The following WASF3 variants were observed in gnomAD, a reference collection of about 807,000 sequenced individuals.
WASF3 encodes the protein actin-binding protein WASF3.
In WASF3, 11 loss-of-function variants were observed where a neutral mutation model predicts 46.6. The ratio of observed to expected loss-of-function variants is 0.24; its 90% CI spans 0.15 to 0.39. WASF3 has a LOEUF of 0.39. Ranked by LOEUF, WASF3 falls within the 10% of genes least tolerant of loss-of-function variation. WASF3 has a pLI of 1.00. For missense variants in WASF3, 576 were observed against 669.8 expected (o/e 0.86, Z 1.55); for synonymous variants, 242 against 259.7 (o/e 0.93, Z 0.65).
chr13:26,672,024 G>C (rs1335344478), intron 6 of WASF3, 35 bp downstream of exon 6: 2 of 1,395,238 alleles, frequency 1.4e-6, no homozygotes, highest in African/African-American at 1.4e-5. Context: ...GTGCATATCA[G>C]TGTTCAAAGG....
chr13:26,577,399 G>T, intron 1 of WASF3: 1 of 773,864 alleles, frequency 1.3e-6, no homozygotes, highest in South Asian at 1.3e-5. Flanking sequence ...TGGAAATCAA[G>T]ACCCGGGAGG....
chr13:26,685,515 G>GT (rs1380631316), intron 9 of WASF3, among the ~76,000 whole-genome samples, 173 bp from the exon 10 acceptor site: 8 of 152,152 alleles, frequency 5.3e-5, no homozygotes, highest in Non-Finnish European at 7.4e-5. Context: ...TTGAATGCAT[G>GT]TTTTTTCTCA....
Position 26,604,143 on chromosome 13 carries a change from T to G in WASF3, c.-108-8818T>G, listed in dbSNP as rs9512284. ...TCTTCCACCTGTATTTACTGTGTGA[T>G]TTTTTTTGGATGAGTCTTCCATTAG... On this transcript the variant is annotated intron_variant, in intron 1 of 9. Coordinates refer to ENST00000335327, the MANE Select transcript of WASF3 (RefSeq NM_006646.6). 2.7e-5 allele frequency among the ~76,000 whole-genome samples: 4 copies of G among 148,138 alleles called. No homozygotes were observed. In the South Asian group the frequency reaches 8.3e-4, roughly 31 times the overall value.
chr13:26,620,655 C>T (rs540270082), intron 2 of WASF3: 5 of 152,262 alleles, frequency 3.3e-5, no homozygotes, highest in Middle Eastern at 3.4e-3. Context: ...ACCCATGATA[C>T]GTTGTTCTTC....
At chr13:26,647,958 A>T (rs1882199158) in intron 3 of WASF3, among the ~76,000 whole-genome samples, 1 of 148,052 alleles carries the variant, frequency 6.8e-6, no homozygotes, top group Non-Finnish European at 1.5e-5. Context: ...TACAGTAAAC[A>T]TCTGTATTCT....
intron 1 of WASF3, chr13:26,576,831 C>G (rs189816060): frequency 2.1e-6 from 1 of 485,214 alleles, no homozygotes; most frequent in African/African-American, 1.9e-5. Context: ...TGGTAACATC[C>G]TACGTAACTA....
intron 6 of WASF3, among the ~76,000 whole-genome samples, chr13:26,674,182 T>C (rs1269354458): frequency 6.6e-6 from 1 of 152,176 alleles, no homozygotes; most frequent in Non-Finnish European, 1.5e-5. Flanking sequence ...TGTTGATAGG[T>C]AGATTTGGAG....
intron 3 of WASF3, among the ~76,000 whole-genome samples, chr13:26,648,176 G>A (rs1171085131): frequency 1.3e-5 from 2 of 152,094 alleles, no homozygotes; most frequent in Admixed American, 6.5e-5. Flanking sequence ...TCTTCATAAT[G>A]AGCAGGGATA....
chr13:26,646,043 C>T (rs1203664555), intron 3 of WASF3, among the ~76,000 whole-genome samples: 1 of 152,144 alleles, frequency 6.6e-6, no homozygotes, highest in East Asian at 1.9e-4. Context: ...AGAAGTTAAC[C>T]ACATTTATAA....
At chr13:26,603,017 C>G (rs148477005) in intron 1 of WASF3, among the ~76,000 whole-genome samples, 140 of 152,242 alleles carry the variant, frequency 9.2e-4, no homozygotes, top group Non-Finnish European at 1.4e-3. Context: ...TATTTGTCAC[C>G]TGATTTTTAA....
chr13:26,587,102 C>CAAA (rs57542558), intron 1 of WASF3, among the ~76,000 whole-genome samples: 177 of 63,954 alleles, frequency 2.8e-3, no homozygotes, highest in Middle Eastern at 9.6e-3. Flanking sequence ...GACCCTGCCT[C>CAAA]AAAAAAAAAA....
At chr13:26,610,646 G>A (rs1880945237) in intron 1 of WASF3, among the ~76,000 whole-genome samples, 1 of 152,200 alleles carries the variant, frequency 6.6e-6, no homozygotes, top group South Asian at 2.1e-4. Flanking sequence ...CAAGGCCAGA[G>A]GTAGGAAGTT....
rs552116431 is a variant in WASF3, at chr13:26,661,510, C to T, written c.134-3518C>T. On this transcript the variant is annotated intron_variant, in intron 3 of 9. Coordinates refer to ENST00000335327, the MANE Select transcript of WASF3 (RefSeq NM_006646.6). ...TATGTGTGTACCACATTTTGTTTAT[C>T]CGTTCATGTATTGCTGGACACTCAG... 3.9e-5 allele frequency among the ~76,000 whole-genome samples: 6 copies of T among 152,304 alleles called. No individual in the cohort carries two copies. In the South Asian group the frequency reaches 1.0e-3, roughly 26 times the overall value.
chr13:26,560,373 C>T (rs1337464082), intron 1 of WASF3, among the ~76,000 whole-genome samples: 1 of 152,082 alleles, frequency 6.6e-6, no homozygotes, highest in Non-Finnish European at 1.5e-5. Context: ...GGTAAAAAGT[C>T]TTAAGTTTTC....
At chr13:26,596,723 C>A (rs1880474838) in intron 1 of WASF3, among the ~76,000 whole-genome samples, 1 of 152,098 alleles carries the variant, frequency 6.6e-6, no homozygotes, top group African/African-American at 2.4e-5. Flanking sequence ...CTTAAGATAT[C>A]TTTTATCCGG....
intron 2 of WASF3, among the ~76,000 whole-genome samples, chr13:26,621,377 A>G (rs187515184): frequency 2.8e-4 from 43 of 152,338 alleles, no homozygotes; most frequent in African/African-American, 1.0e-3. Flanking sequence ...AGCCAGCTGA[A>G]TGTCTAACTG....
rs566738467 is a variant in WASF3, at chr13:26,634,912, C to A, written c.-10-7349C>A. On this transcript the variant is annotated intron_variant, in intron 2 of 9. Transcript: ENST00000335327. Reference sequence around the variant, plus strand: ...TAACCCGACCTTTCTCTCTGGCTGCCTTTAACATTTTTTCCTTCATTTCAG... The same window carrying A: ...TAACCCGACCTTTCTCTCTGGCTGCATTTAACATTTTTTCCTTCATTTCAG... 2.0e-5 allele frequency among the ~76,000 whole-genome samples: 3 copies of A among 152,216 alleles called. No homozygotes were observed. In the South Asian group the frequency reaches 6.2e-4, roughly 32 times the overall value.
intron 2 of WASF3, among the ~76,000 whole-genome samples, chr13:26,615,546 A>T (rs1010344837): frequency 6.6e-6 from 1 of 152,050 alleles, no homozygotes; most frequent in Non-Finnish European, 1.5e-5. Flanking sequence ...TGACCTTGTG[A>T]TCCCCCTGCC....
chr13:26,597,476 G>T (rs1474264521), intron 1 of WASF3, among the ~76,000 whole-genome samples: 1 of 150,862 alleles, frequency 6.6e-6, no homozygotes, highest in Non-Finnish European at 1.5e-5. Context: ...TTGTTTTTAC[G>T]TTTTAGTCTT....
Sources: gnomAD v4.1 joint callset for allele counts (sites outside exome capture counted in the v4.1 genomes callset) on GRCh38, gnomAD v4.1.1 for gene constraint, MANE v1.5 for transcripts, NCBI Gene and HGNC (gene_info 2026-07-23, HGNC 2026-07-21) for gene names.